The following GFRA1 variants were observed in gnomAD, a reference collection of about 807,000 sequenced individuals.
The protein encoded by GFRA1 is GDNF family receptor alpha 1, also known as GDNF family receptor alpha-1.
In GFRA1, 16 loss-of-function variants were observed where a neutral mutation model predicts 51.6. The observed-to-expected ratio is 0.31, with a 90% CI of 0.21 to 0.47. The LOEUF is 0.47. Ranked by LOEUF, GFRA1 falls within the 20% of genes least tolerant of loss-of-function variation. The probability of loss-of-function intolerance (pLI) is 1.00; values close to 1 mark genes in which losing one functional copy is unlikely to be tolerated. For synonymous variants in GFRA1, 270 were observed against 241.3 expected (o/e 1.12, Z -1.10); for missense variants, 530 against 594.3 (o/e 0.89, Z 1.13).
intron 9 of GFRA1, among the ~76,000 whole-genome samples, chr10:116,066,438 T>C (rs1011108990): frequency 2.6e-5 from 4 of 152,118 alleles, no homozygotes; most frequent in African/African-American, 9.7e-5. Context: ...TGTGAAAGCA[T>C]TGAACTCCCT....
In GFRA1 at chr10:116,082,724, C is replaced by T. The variant is rs180913741; in HGVS notation, c.1197+7017G>A. 7.7e-4 allele frequency among the ~76,000 whole-genome samples: 117 copies of T among 152,232 alleles called. 2 individuals are homozygous for T. The highest frequency in any genetic ancestry group is 7.5e-3 in the Admixed American group (114 of 15,292). On this transcript the variant is annotated intron_variant, in intron 9 of 10. Coordinates refer to ENST00000355422, the MANE Select transcript of GFRA1 (RefSeq NM_005264.8). ...AAACTCCTGACTTCAGGTGATCTGC[C>T]GCCTTGGCTTCCCAAAGTGCTGGGA...
At chr10:116,114,475 T>C (rs1019613584) in intron 6 of GFRA1, among the ~76,000 whole-genome samples, 1 of 152,370 alleles carries the variant, frequency 6.6e-6, no homozygotes, top group East Asian at 1.9e-4. Context: ...CTTAGCCATG[T>C]GGCATTTCCA....
chr10:116,085,896 A>G (rs976623895), intron 9 of GFRA1, among the ~76,000 whole-genome samples: 5 of 152,180 alleles, frequency 3.3e-5, no homozygotes, highest in African/African-American at 1.2e-4. Context: ...GAACCTCACG[A>G]GGAACTAAGA....
chr10:116,107,665 A>T (rs1957055569), intron 6 of GFRA1, among the ~76,000 whole-genome samples: 1 of 152,188 alleles, frequency 6.6e-6, no homozygotes, highest in Non-Finnish European at 1.5e-5. Context: ...CAATTGAAGC[A>T]TCAAGCCTGT....
chr10:116,076,210 G>A (rs1263705055), intron 9 of GFRA1, among the ~76,000 whole-genome samples: 1 of 152,172 alleles, frequency 6.6e-6, no homozygotes, highest in Non-Finnish European at 1.5e-5. Flanking sequence ...TGAGGAATAA[G>A]AGGAGACAAC....
intron 9 of GFRA1, among the ~76,000 whole-genome samples, chr10:116,088,301 TG>T (rs67920503): frequency 1 from 152,225 of 152,226 alleles, 76,112 homozygotes; most frequent in Non-Finnish European, 1. Context: ...TGATGGGGGC[TG>T]GGGGGCCTCG....
At chr10:116,152,046 T>C (rs758958576) in intron 5 of GFRA1, among the ~76,000 whole-genome samples, 9 of 152,148 alleles carry the variant, frequency 5.9e-5, no homozygotes, top group Non-Finnish European at 1.3e-4. Flanking sequence ...CTGCTGTGTC[T>C]GGAGCATAGC....
intron 9 of GFRA1, among the ~76,000 whole-genome samples, chr10:116,078,517 GC>G (rs1439528364): frequency 2.0e-5 from 3 of 152,238 alleles, no homozygotes; most frequent in African/African-American, 7.2e-5. Flanking sequence ...TTCCAGGAGG[GC>G]CCAGAAGGAT....
chr10:116,211,261 G>A (rs962677220), intron 5 of GFRA1, among the ~76,000 whole-genome samples: 11 of 152,314 alleles, frequency 7.2e-5, no homozygotes, highest in East Asian at 3.9e-4. Flanking sequence ...CAGCTGAGCC[G>A]GATGCAGGAG....
intron 4 of GFRA1, among the ~76,000 whole-genome samples, chr10:116,247,227 C>T (rs1373165104): frequency 6.6e-6 from 1 of 152,172 alleles, no homozygotes; most frequent in Admixed American, 6.5e-5. Context: ...CCTTCTCTCA[C>T]TCCATGTCCT....
chr10:116,088,786 T>C (rs1956205142), intron 9 of GFRA1, among the ~76,000 whole-genome samples: 1 of 150,314 alleles, frequency 6.7e-6, no homozygotes, highest in Admixed American at 6.6e-5. Context: ...CCAGGCGTGG[T>C]GGTGGGCGCC....
intron 9 of GFRA1, among the ~76,000 whole-genome samples, chr10:116,088,674 AC>A (rs1483930130): frequency 1.3e-5 from 2 of 152,108 alleles, no homozygotes; most frequent in Admixed American, 1.3e-4. Context: ...TAATCCCAGC[AC>A]TTTGGGAGGC....
intron 5 of GFRA1, among the ~76,000 whole-genome samples, chr10:116,175,245 C>T (rs4403730): frequency 1 from 152,015 of 152,294 alleles, 75,871 homozygotes; most frequent in Non-Finnish European, 1. Flanking sequence ...TTAATAGTGT[C>T]TGTTCTGTGC....
Position 116,096,724 on chromosome 10 carries a change from A to T in GFRA1, c.811T>A (p.Ser271Thr). The change falls in exon 7 of 11, where the codon TCA (serine) becomes ACA (threonine). Residue 271 changes from serine to threonine, a missense_variant. By Grantham distance (58) the Ser-to-Thr change is moderately conservative. Transcript: ENST00000355422. The part of the protein sequence containing the change: ...ADFFTNCQPE[S>T]RSVSSCLKEN... The stretch of plus-strand genomic sequence containing the variant: ...TTTAGACAGCTGCTGACAGACCTTG[A>T]CTCTGGCTGGCAGTTGGTAAAAAAA... The T allele has an allele frequency of 6.2e-7, 1 of 1,612,722 alleles. No individual in the cohort carries two copies. The highest frequency in any genetic ancestry group is 8.5e-7 in the Non-Finnish European group (1 of 1,179,206).
intron 5 of GFRA1, among the ~76,000 whole-genome samples, chr10:116,182,824 A>G (rs1962361045): frequency 1.3e-5 from 2 of 152,226 alleles, no homozygotes; most frequent in South Asian, 2.1e-4. Context: ...TCTGAAAGTT[A>G]CAGTCACTAA....
chr10:116,089,531 AC>A (rs1956239386), intron 9 of GFRA1, among the ~76,000 whole-genome samples: 1 of 152,186 alleles, frequency 6.6e-6, no homozygotes, highest in Admixed American at 6.5e-5. Context: ...CTCCCAGTAA[AC>A]GACAGAGTCA....
At chr10:116,233,085 A>G (rs1589894371) in intron 4 of GFRA1, among the ~76,000 whole-genome samples, 1 of 152,128 alleles carries the variant, frequency 6.6e-6, no homozygotes, top group Non-Finnish European at 1.5e-5. Context: ...CCAGCACTGT[A>G]GGAGGCCGAG....
At position 116,058,374 on chromosome 10, in the gene GFRA1, T is replaced by C. The variant is rs1954652244; in HGVS notation, c.*6024A>G. 1 of 152,282 alleles carries C rather than the reference T, an allele frequency of 6.6e-6. No homozygotes were observed. The highest frequency in any genetic ancestry group is 6.5e-5 in the Admixed American group (1 of 15,288). The allele number at this position is 152,282 out of a possible 1,614,324, so 9.4% of individuals were successfully genotyped here. On this transcript the variant is annotated 3_prime_UTR_variant, in exon 11 of 11. Coordinates refer to ENST00000355422, the MANE Select transcript of GFRA1 (RefSeq NM_005264.8). ...GCATCTCCTATTCCCACCTGCACCATGGCCGGTACCTGACAGCTGTGACTT... is the reference window on the plus strand; with the variant it reads ...GCATCTCCTATTCCCACCTGCACCACGGCCGGTACCTGACAGCTGTGACTT...
intron 4 of GFRA1, among the ~76,000 whole-genome samples, chr10:116,222,489 G>A (rs1364385999): frequency 3.9e-5 from 6 of 152,120 alleles, no homozygotes; most frequent in Admixed American, 3.3e-4. Context: ...GTGAACCACC[G>A]TTCCCAGTCA....
Sources: allele counts gnomAD v4.1 joint callset (sites outside exome capture counted in the v4.1 genomes callset), GRCh38; gene constraint gnomAD v4.1.1; transcripts MANE v1.5; gene names NCBI Gene and HGNC (gene_info 2026-07-23, HGNC 2026-07-21).